PLEKHA5: variants seen among roughly 807,000 people sequenced by gnomAD.
PLEKHA5 encodes pleckstrin homology domain containing A5, also known as pleckstrin homology domain-containing family A member 5.
Under a neutral mutation model 181.9 loss-of-function variants are expected in PLEKHA5, and 55 were observed. The ratio of observed to expected loss-of-function variants is 0.30; its 90% CI spans 0.24 to 0.38. The LOEUF (loss-of-function observed/expected upper bound fraction) is 0.38, where lower values mean the gene tolerates loss of function less well. PLEKHA5 is among the 10% of genes least tolerant of loss of function. PLEKHA5 has a pLI of 1.00. For synonymous variants in PLEKHA5, 535 were observed against 529.4 expected (o/e 1.01, Z -0.15); for missense variants, 1,432 against 1,549.5 (o/e 0.92, Z 1.27).
At chr12:19,160,116 A>G (rs906662291) in intron 3 of PLEKHA5, among the ~76,000 whole-genome samples, 8 of 151,964 alleles carry the variant, frequency 5.3e-5, no homozygotes, top group African/African-American at 1.2e-4. Context: ...TGTTAAATCT[A>G]TTTTTTAGTA....
chr12:19,145,913 A>ATAT (rs2038811076), intron 3 of PLEKHA5, among the ~76,000 whole-genome samples: 1 of 152,220 alleles, frequency 6.6e-6, no homozygotes, highest in Admixed American at 6.5e-5. Flanking sequence ...TGCAATCATA[A>ATAT]TATTGAAAAA....
chr12:19,328,483 A>T (rs893110550), intron 20 of PLEKHA5, among the ~76,000 whole-genome samples: 1 of 151,902 alleles, frequency 6.6e-6, no homozygotes, highest in African/African-American at 2.4e-5. Flanking sequence ...TGTGTCATCT[A>T]TGATTTCTTT....
At chr12:19,251,653 T>G (rs1438103772) in intron 3 of PLEKHA5, among the ~76,000 whole-genome samples, 1 of 151,190 alleles carries the variant, frequency 6.6e-6, no homozygotes, top group East Asian at 1.9e-4. Flanking sequence ...AAATTGTTCC[T>G]TTAACGTACA....
At chr12:19,254,624 C>T (rs958167837) in intron 4 of PLEKHA5, among the ~76,000 whole-genome samples, 7 of 151,276 alleles carry the variant, frequency 4.6e-5, no homozygotes, top group African/African-American at 1.5e-4. Context: ...CATTCAAGAC[C>T]AGCCTGGCCA....
chr12:19,250,009 A>C (rs2064833311), intron 3 of PLEKHA5, among the ~76,000 whole-genome samples: 1 of 152,232 alleles, frequency 6.6e-6, no homozygotes, highest in South Asian at 2.1e-4. Context: ...CTGCATTATA[A>C]ACTGTTTAGC....
At chr12:19,133,753 G>A (rs947435986) in intron 3 of PLEKHA5, among the ~76,000 whole-genome samples, 1 of 151,932 alleles carries the variant, frequency 6.6e-6, no homozygotes, top group African/African-American at 2.4e-5. Context: ...TGGTCTTTCT[G>A]TGAATATTTT....
chr12:19,349,740 GA>G (rs67664068), intron 25 of PLEKHA5, among the ~76,000 whole-genome samples: 11,457 of 119,576 alleles, frequency 0.096, 503 homozygotes, highest in African/African-American at 0.14. Flanking sequence ...ACCAGAAACA[GA>G]AAAAAAAAAA....
intron 3 of PLEKHA5, among the ~76,000 whole-genome samples, chr12:19,231,056 G>A (rs1278312240): frequency 1.3e-5 from 2 of 152,146 alleles, no homozygotes; most frequent in Non-Finnish European, 2.9e-5. Flanking sequence ...GTCCTGTACT[G>A]TGGTTTTTTT....
At chr12:19,236,401 G>A (rs976025141) in intron 3 of PLEKHA5, among the ~76,000 whole-genome samples, 1 of 151,956 alleles carries the variant, frequency 6.6e-6, no homozygotes, top group Admixed American at 6.6e-5. Flanking sequence ...GGGTTATGAG[G>A]CTCACATGAA....
At chr12:19,198,086 C>T (rs548247479) in intron 3 of PLEKHA5, among the ~76,000 whole-genome samples, 1 of 152,178 alleles carries the variant, frequency 6.6e-6, no homozygotes, top group Middle Eastern at 3.2e-3. Flanking sequence ...CTTTGCTTTT[C>T]CCCTGCTTCT....
Position 19,261,001 on chromosome 12 carries a change from T to C in PLEKHA5, c.590T>C (p.Leu197Pro). Residue 197 changes from leucine to proline, a missense_variant, in exon 7 of 32, where the codon CTT becomes CCT. Coordinates refer to ENST00000429027, the MANE Select transcript of PLEKHA5 (RefSeq NM_001256470.2). ...AAACGCTGGTTTGTGCTTTCTGACCTTTGCCTCTTTTATTATAGAGGTAAG... is the reference window on the plus strand; with the variant it reads ...AAACGCTGGTTTGTGCTTTCTGACCCTTGCCTCTTTTATTATAGAGGTAAG... The part of the protein sequence containing the change: ...WKKRWFVLSD[L>P]CLFYYRDEKE... 1 of 1,595,688 alleles carries C rather than the reference T, an allele frequency of 6.3e-7. No homozygotes were observed. Among genetic ancestry groups the C allele is most frequent in the Non-Finnish European group, 8.6e-7 (1 of 1,166,520 alleles).
At chr12:19,329,414 C>T (rs1257774159) in intron 20 of PLEKHA5, among the ~76,000 whole-genome samples, 1 of 152,124 alleles carries the variant, frequency 6.6e-6, no homozygotes, top group Admixed American at 6.6e-5. Context: ...AGAATTAATA[C>T]CAGCTCTTTG....
At chr12:19,281,976 G>T (rs2076285386) in intron 11 of PLEKHA5, among the ~76,000 whole-genome samples, 1 of 152,080 alleles carries the variant, frequency 6.6e-6, no homozygotes, top group Non-Finnish European at 1.5e-5. Flanking sequence ...AAGAGACGGG[G>T]TTTCACTGTG....
At chr12:19,202,072 C>G (rs1370595111) in intron 3 of PLEKHA5, 10 of 840,478 alleles carry the variant, frequency 1.2e-5, no homozygotes, top group Admixed American at 6.2e-5. Context: ...CCACTCTTCC[C>G]CTACCTTTTT....
At chr12:19,141,180 C>A (rs1217078314) in intron 3 of PLEKHA5, among the ~76,000 whole-genome samples, 2 of 152,192 alleles carry the variant, frequency 1.3e-5, no homozygotes, top group Non-Finnish European at 2.9e-5. Context: ...TCCCCCCCAA[C>A]AGAAAGCTTC....
chr12:19,300,601 G>A (rs920160822), intron 15 of PLEKHA5, among the ~76,000 whole-genome samples: 6 of 152,132 alleles, frequency 3.9e-5, no homozygotes, highest in South Asian at 2.1e-4. Flanking sequence ...AAGCCATGAT[G>A]CTAATGCCCA....
intron 3 of PLEKHA5, among the ~76,000 whole-genome samples, chr12:19,161,799 G>A (rs1368848948): frequency 6.6e-6 from 1 of 152,100 alleles, no homozygotes; most frequent in African/African-American, 2.4e-5. Context: ...AAAACTTTTT[G>A]GCATTGAAAG....
intron 3 of PLEKHA5, chr12:19,243,461 G>A (rs1381076331): frequency 6.6e-6 from 1 of 152,210 alleles, no homozygotes; most frequent in African/African-American, 2.4e-5. Context: ...GCACTGAAAT[G>A]CTTAAGGGTA....
chr12:19,197,676 CTGTGTGTGTGTGTGTGTGTG>C (rs3056412), intron 3 of PLEKHA5, among the ~76,000 whole-genome samples: 86 of 111,024 alleles, frequency 7.7e-4, no homozygotes, highest in East Asian at 3.8e-3. Flanking sequence ...CTATCCGGTG[CTGTGTGTGTGTGTGTGTGTG>C]TGTGTGTGTG....
Sources: allele counts gnomAD v4.1 joint callset (sites outside exome capture counted in the v4.1 genomes callset), GRCh38; gene constraint gnomAD v4.1.1; transcripts MANE v1.5; gene names NCBI Gene and HGNC (gene_info 2026-07-23, HGNC 2026-07-21).